The following RNF14 variants were observed in gnomAD, a reference collection of about 807,000 sequenced individuals.
RNF14 encodes E3 ubiquitin-protein ligase RNF14.
A neutral mutation model predicts 52.6 loss-of-function variants in RNF14; 26 were observed. The observed-to-expected ratio is 0.49, with a 90% CI of 0.36 to 0.69. The LOEUF (loss-of-function observed/expected upper bound fraction) is 0.69. Among genes scored for constraint, RNF14 ranks in the 30% least tolerant of loss-of-function variants. The probability of loss-of-function intolerance (pLI) is 0.00; values close to 1 mark genes in which losing one functional copy is unlikely to be tolerated. For missense variants in RNF14, 404 were observed against 560.4 expected (o/e 0.72, Z 2.82); for synonymous variants, 194 against 202.0 (o/e 0.96, Z 0.34).
At chr5:141,961,777 C>G (rs1753276875) in intron 1 of RNF14, among the ~76,000 whole-genome samples, 1 of 152,054 alleles carries the variant, frequency 6.6e-6, no homozygotes, top group East Asian at 1.9e-4. Flanking sequence ...TCTTAAAACA[C>G]CTGGAGTCCT....
At chr5:141,957,601 C>T, upstream of RNF14, 1 of 1,614,210 alleles carries the variant, frequency 6.2e-7, no homozygotes, top group Non-Finnish European at 8.5e-7. This position sits in a 1 kb window ranked among gnomAD's most constrained non-coding sequence, Gnocchi z 4.3. Flanking sequence ...GCTGAGCAAG[C>T]CTTCCTCAGA....
chr5:141,957,952 C>T (rs1753215984), upstream of RNF14: 15 of 1,385,848 alleles, frequency 1.1e-5, no homozygotes, highest in Non-Finnish European at 1.5e-5. This position sits in a 1 kb window ranked among gnomAD's most constrained non-coding sequence, Gnocchi z 4.3. Flanking sequence ...CCCCGTGCTC[C>T]TTCCCCCAGA....
upstream of RNF14, chr5:141,956,783 C>T: frequency 1.9e-6 from 3 of 1,614,180 alleles, no homozygotes; most frequent in Non-Finnish European, 2.5e-6. Flanking sequence ...GGCTGGGAGG[C>T]CCATGTGACG....
At chr5:141,977,159 G>C (rs1398537637) in intron 4 of RNF14, among the ~76,000 whole-genome samples, 1 of 152,132 alleles carries the variant, frequency 6.6e-6, no homozygotes, top group Non-Finnish European at 1.5e-5. Context: ...CATAGGACTT[G>C]GTAGCTCACA....
At chr5:141,961,078 C>G (rs1057371471) in intron 1 of RNF14, among the ~76,000 whole-genome samples, 1 of 152,184 alleles carries the variant, frequency 6.6e-6, no homozygotes, top group African/African-American at 2.4e-5. Context: ...AATGGAAAAC[C>G]TAACGTGGAC....
At chr5:141,973,224 T>G (rs1753944197) in intron 2 of RNF14, among the ~76,000 whole-genome samples, 1 of 149,618 alleles carries the variant, frequency 6.7e-6, no homozygotes. Context: ...TTTTTCCACC[T>G]CTGTGCATTT....
chr5:141,951,513 C>G, the RNF14 span: 3 of 1,614,172 alleles, frequency 1.9e-6, no homozygotes, highest in Admixed American at 3.3e-5. Flanking sequence ...CTGGCTTGGC[C>G]AAGTACTTAT....
At chr5:141,966,220 G>A (rs561531031), upstream of RNF14, among the ~76,000 whole-genome samples, 3 of 152,308 alleles carry the variant, frequency 2.0e-5, no homozygotes, top group East Asian at 5.8e-4. Context: ...CCGGGAGGCA[G>A]AGGTTGCCGT....
intron 2 of RNF14, among the ~76,000 whole-genome samples, 159 bp downstream of exon 2, chr5:141,971,036 A>G (rs1753698534): frequency 6.6e-6 from 1 of 152,196 alleles, no homozygotes; most frequent in African/African-American, 2.4e-5. Context: ...AAAAATCCTA[A>G]CTTTTTACTT....
chr5:141,976,792 T>C (rs1314229759), intron 4 of RNF14, among the ~76,000 whole-genome samples: 4 of 143,046 alleles, frequency 2.8e-5, no homozygotes, highest in African/African-American at 1.0e-4. Flanking sequence ...TTTTTTTTTT[T>C]TTTTTTTTTT....
the RNF14 span, chr5:141,951,529 C>T: frequency 3.3e-5 from 53 of 1,614,070 alleles, no homozygotes; most frequent in Middle Eastern, 3.3e-4. Flanking sequence ...CTTATTTCCT[C>T]GGTGGTTTGG....
chr5:141,980,909 T>G (rs184217337), intron 6 of RNF14, among the ~76,000 whole-genome samples: 1 of 152,196 alleles, frequency 6.6e-6, no homozygotes, highest in Non-Finnish European at 1.5e-5. Context: ...TGCTTTCTCC[T>G]TGAGCCCAGA....
intron 6 of RNF14, chr5:141,982,680 T>C (rs1754887137): frequency 6.6e-6 from 1 of 152,206 alleles, no homozygotes; most frequent in African/African-American, 2.4e-5. Flanking sequence ...GGGAAAACTT[T>C]TCAGCACCTG....
chr5:141,964,946 T>TA (rs200200162), upstream of RNF14, among the ~76,000 whole-genome samples: 1,763 of 150,428 alleles, frequency 0.012, 30 homozygotes, highest in African/African-American at 0.041. Context: ...TAATTTTTTT[T>TA]AAAAAAAAAC....
upstream of RNF14, among the ~76,000 whole-genome samples, chr5:141,963,918 C>T (rs549864830): frequency 2.6e-5 from 4 of 152,294 alleles, no homozygotes; most frequent in East Asian, 7.7e-4. Context: ...GAAACAGCCA[C>T]ACACTGATTT....
rs1267703586 is a variant in RNF14, at chr5:141,974,810, C to T, written c.161C>T (p.Ser54Leu). The T allele has an allele frequency of 6.2e-7, 1 of 1,613,876 alleles. No homozygotes were observed. The highest frequency in any genetic ancestry group is 1.1e-5 in the South Asian group (1 of 91,062). The change falls in exon 4 of 9, where the codon TCA becomes TTA. Residue 54 changes from serine (S) to leucine (L), a missense_variant. Transcript: ENST00000394520. ...QNFKIFVSGNSNECLQNSGFE... is the reference protein window; with the variant it reads ...QNFKIFVSGNLNECLQNSGFE... The stretch of plus-strand genomic sequence containing the variant: ...ATCTTTGTTTTTGGTTCAGGCAATT[C>T]AAATGAGTGTCTCCAGAATAGTGGC...
chr5:141,965,651 T>G (rs375782222), upstream of RNF14, among the ~76,000 whole-genome samples: 1 of 152,286 alleles, frequency 6.6e-6, no homozygotes, highest in South Asian at 2.1e-4. Flanking sequence ...GCTCCACCAC[T>G]GTGTGATACT....
chr5:141,981,430 T>C (rs1754763785), intron 6 of RNF14, among the ~76,000 whole-genome samples: 1 of 152,134 alleles, frequency 6.6e-6, no homozygotes, highest in African/African-American at 2.4e-5. Context: ...GGCAACGTAG[T>C]GAGACTCTGC....
At chr5:141,968,736 T>C (rs1040583824), upstream of RNF14, 2 of 152,172 alleles carry the variant, frequency 1.3e-5, no homozygotes, top group Admixed American at 6.5e-5. Context: ...GCTTCCACAG[T>C]GGAGTGCCAG....
Sources: gnomAD v4.1 joint callset for allele counts (sites outside exome capture counted in the v4.1 genomes callset) on GRCh38, gnomAD v4.1.1 for gene constraint, Gnocchi (gnomAD v3.1) non-coding constraint, MANE v1.5 for transcripts, NCBI Gene and HGNC (gene_info 2026-07-23, HGNC 2026-07-21) for gene names.